The following LLGL2 variants were observed in gnomAD, a reference collection of about 807,000 sequenced individuals.
LLGL2 encodes the protein LLGL2, scribble cell polarity complex component.
Under a neutral mutation model 123.2 loss-of-function variants are expected in LLGL2, and 81 were observed. The ratio of observed to expected loss-of-function variants is 0.66; its 90% CI spans 0.55 to 0.79. LLGL2 has a LOEUF of 0.79. Among genes scored for constraint, LLGL2 ranks in the 30% least tolerant of loss-of-function variants. The pLI, the probability that LLGL2 is intolerant of heterozygous loss-of-function variation, is 0.00. For synonymous variants in LLGL2, 577 were observed against 594.1 expected (o/e 0.97, Z 0.42); for missense variants, 1,273 against 1,414.6 (o/e 0.90, Z 1.61).
Position 75,573,196 on chromosome 17 carries a change from C to G in LLGL2, c.2643C>G (p.Leu881=), listed in dbSNP as rs776476913. 6 of 1,612,910 alleles carry G rather than the reference C, an allele frequency of 3.7e-6. No individual in the cohort carries two copies. Among genetic ancestry groups the G allele is most frequent in the South Asian group, 2.2e-5 (2 of 91,076 alleles). Residue 881 remains leucine, a synonymous_variant, in exon 20 of 26, where the codon CTC becomes CTG. Coordinates refer to ENST00000392550, the MANE Select transcript of LLGL2 (RefSeq NM_001031803.2). The part of the protein sequence containing the change: ...GDIQVVSLPL[L]KPQVRYSCIR... ...TCCAGGTGGTCTCGCTGCCCCTGCT[C>G]AAGCCCCAGGTGCGCTACAGCTGCA...
In LLGL2 at chr17:75,558,939, GCACC is replaced by G; in HGVS notation, c.372-311_372-308del. On this transcript the variant is annotated intron_variant, in intron 5 of 25. Coordinates refer to ENST00000392550, the MANE Select transcript of LLGL2 (RefSeq NM_001031803.2). The surrounding 1 kb of genome is among the most constrained non-coding windows in gnomAD (Gnocchi z 4.0). ...CATCCGCACCCCACCTCCTCCATCCGCACCCCGCCTCCTCCATCCGCACCCCGCC... is the reference window on the plus strand; with the variant it reads ...CATCCGCACCCCACCTCCTCCATCCGCCGCCTCCTCCATCCGCACCCCGCC... The G allele has an allele frequency of 2.8e-6, 1 of 353,576 alleles. No individual in the cohort carries two copies. The highest frequency in any genetic ancestry group is 3.2e-5 in the South Asian group (1 of 30,972). The allele number at this position is 353,576 out of a possible 1,614,324, so 21.9% of individuals were successfully genotyped here.
At chr17:75,526,583 G>T (rs2053580972) in intron 1 of LLGL2, among the ~76,000 whole-genome samples, 1 of 152,166 alleles carries the variant, frequency 6.6e-6, no homozygotes, top group Non-Finnish European at 1.5e-5. Flanking sequence ...CTGTAGAGTG[G>T]CGCTTTGAGG....
At position 75,563,470 on chromosome 17, in the gene LLGL2, G is replaced by A. The variant is rs756593185; in HGVS notation, c.826+7G>A. ...CGCAGCCTCGTGCCTTACGGTCAGT[G>A]TTTCACCCGCCGGGCAGGGCCCACC... is the stretch of plus-strand genomic sequence containing the variant. On this transcript the variant is annotated splice_region_variant and intron_variant, in intron 8 of 25. Transcript: ENST00000392550. 3 of 1,611,750 alleles carry A rather than the reference G, an allele frequency of 1.9e-6. No individual in the cohort carries two copies. Among genetic ancestry groups the A allele is most frequent in the African/African-American group, 1.3e-5 (1 of 74,924 alleles).
At chr17:75,529,154 A>C (rs938506228) in intron 1 of LLGL2, among the ~76,000 whole-genome samples, 11 of 149,384 alleles carry the variant, frequency 7.4e-5, no homozygotes, top group Admixed American at 5.3e-4. Flanking sequence ...AGACTGTCTC[A>C]AAAAAAAAGA....
chr17:75,560,927 G>T (rs2055191221), intron 6 of LLGL2, among the ~76,000 whole-genome samples: 1 of 151,738 alleles, frequency 6.6e-6, no homozygotes, highest in Non-Finnish European at 1.5e-5. Context: ...TGCTTCCTGG[G>T]TTCAAGTGAT....
chr17:75,569,089 C>A lies in LLGL2; in HGVS notation c.1434C>A (p.Asn478Lys), dbSNP rs748070944. 5.6e-6 allele frequency: 9 copies of A among 1,613,310 alleles called. No individual in the cohort carries two copies. The highest frequency in any genetic ancestry group is 1.7e-6 in the Non-Finnish European group (2 of 1,179,874). The change falls in exon 13 of 26, where the codon AAC becomes AAA. Residue 478 changes from asparagine to lysine, a missense_variant. Transcript: ENST00000392550. ...VFLTDTDPNE[N>K]FSAQGEDEWP... is the part of the protein sequence containing the mutation. ...TCACCGACACGGACCCCAACGAGAA[C>A]TTCAGTGCCCAGGGCGAGGACGAGT...
Position 75,544,762 on chromosome 17 carries a change from C to G in LLGL2, c.75+1261C>G, listed in dbSNP as rs1417075319. Among the ~76,000 whole-genome samples, 17 of 152,100 alleles carry G rather than the reference C, an allele frequency of 1.1e-4. No homozygotes were observed. The highest frequency in any genetic ancestry group is 7.4e-5 in the Non-Finnish European group (5 of 68,018). ...GGTCAGCGCTCCCAATGTGCCCTGC[C>G]ATTTCTCTCTGTGTTTCTTAGCCTG... On this transcript the variant is annotated intron_variant, in intron 2 of 25. Coordinates refer to ENST00000392550, the MANE Select transcript of LLGL2 (RefSeq NM_001031803.2). The surrounding 1 kb of genome is among the most constrained non-coding windows in gnomAD (Gnocchi z 4.2).
At chr17:75,561,492 C>T (rs183654756) in intron 6 of LLGL2, among the ~76,000 whole-genome samples, 21 of 151,988 alleles carry the variant, frequency 1.4e-4, no homozygotes, top group Admixed American at 3.3e-4. Context: ...TTGGGCAAGG[C>T]GGCACACGTC....
chr17:75,571,404 C>T (rs2147559358), intron 17 of LLGL2: 2 of 585,884 alleles, frequency 3.4e-6, no homozygotes, highest in Admixed American at 3.1e-5. Context: ...ACAGCTTCCT[C>T]CTAGAGCAGC....
intron 1 of LLGL2, among the ~76,000 whole-genome samples, chr17:75,539,405 G>C (rs73362284): frequency 0.15 from 22,681 of 148,344 alleles, 2,099 homozygotes; most frequent in African/African-American, 0.26. Flanking sequence ...TTGAAAAAAT[G>C]TCCTTTCCTT....
rs866690962 is a variant in LLGL2, at chr17:75,559,563, C to G, written c.530+153C>G. ...GAGGCTCTTGGCTTCCTACCTGTCA[C>G]CTACTGAGAACCTATTGGCCTGTCA... On this transcript the variant is annotated intron_variant, in intron 6 of 25. Transcript: ENST00000392550. This position sits in a 1 kb window ranked among gnomAD's most constrained non-coding sequence, Gnocchi z 4.6. Among the ~76,000 whole-genome samples the G allele has an allele frequency of 1.3e-5, 2 of 152,234 alleles. No homozygotes were observed. The highest frequency in any genetic ancestry group is 4.8e-5 in the African/African-American group (2 of 41,454).
rs557223100 is a variant in LLGL2 at position 75,575,153 on chromosome 17, T to C, written c.*275T>C. The C allele has an allele frequency of 8.0e-5, 46 of 572,284 alleles. No individual in the cohort carries two copies. In the East Asian group the frequency reaches 1.2e-3, roughly 14 times the overall value. The allele number at this position is 572,284 out of a possible 1,614,324, so 35.5% of individuals were successfully genotyped here. ...TTGTAGTGGGCTGGGTTTTAAGTTA[T>C]AAATGTTAACTGCCTCTGGGTGAAA... On this transcript the variant is annotated 3_prime_UTR_variant, in exon 26 of 26. Transcript: ENST00000392550.
chr17:75,554,384 G>T (rs970084931), intron 2 of LLGL2, among the ~76,000 whole-genome samples: 1 of 151,934 alleles, frequency 6.6e-6, no homozygotes, highest in Non-Finnish European at 1.5e-5. Context: ...GGCCGAGGCA[G>T]GAGGATCGCT....
At chr17:75,543,256 C>T (rs1045887518) in intron 1 of LLGL2, 141 bp from the exon 2 acceptor site, 14 of 522,876 alleles carry the variant, frequency 2.7e-5, no homozygotes, top group Admixed American at 1.0e-4. Flanking sequence ...GGTGCATGGG[C>T]GGTCACTGTG....
At chr17:75,561,241 A>G (rs1265541175) in intron 6 of LLGL2, among the ~76,000 whole-genome samples, 1 of 152,244 alleles carries the variant, frequency 6.6e-6, no homozygotes, top group Non-Finnish European at 1.5e-5. Flanking sequence ...TCCTAAAGAT[A>G]TAGGATAAGA....
intron 1 of LLGL2, among the ~76,000 whole-genome samples, chr17:75,540,804 G>A (rs1260487940): frequency 6.6e-6 from 1 of 152,138 alleles, no homozygotes; most frequent in Non-Finnish European, 1.5e-5. Context: ...TTACCTTTCA[G>A]ATGGCTTCCC....
At position 75,564,751 on chromosome 17, in the gene LLGL2, C is replaced by G. The variant is rs2055372766; in HGVS notation, c.1036+244C>G. The G allele has an allele frequency of 2.0e-6, 1 of 490,584 alleles. No individual in the cohort carries two copies. Among genetic ancestry groups the G allele is most frequent in the Non-Finnish European group, 3.4e-6 (1 of 291,742 alleles). 30.4% of individuals were successfully genotyped at this position (490,584 alleles called of 1,614,324 possible). A position where few individuals can be genotyped will look rare whatever the true frequency, so the allele number is the denominator to read the frequency against. On this transcript the variant is annotated intron_variant, in intron 10 of 25. Transcript: ENST00000392550. The surrounding 1 kb of genome is among the most constrained non-coding windows in gnomAD (Gnocchi z 4.9). ...TTGTGGCACGTACCTGTAGTCCTAG[C>G]TACTCAGGAGGCTGAGGTGGGAGGA...
chr17:75,543,253 G>T, intron 1 of LLGL2, 144 bp from the exon 2 acceptor site: 2 of 516,276 alleles, frequency 3.9e-6, no homozygotes, highest in Admixed American at 3.4e-5. Flanking sequence ...CAGGGTGCAT[G>T]GGCGGTCACT....
In LLGL2 at chr17:75,559,497, T is replaced by C; in HGVS notation, c.530+87T>C. On this transcript the variant is annotated intron_variant, in intron 6 of 25. Transcript: ENST00000392550. The surrounding 1 kb of genome is among the most constrained non-coding windows in gnomAD (Gnocchi z 4.6). ...TTGGTCCCAGGACTCTGTCAGGAGC[T>C]GTCATTTCTCTGCTGGGAATTCCAT... 1.4e-6 allele frequency: 2 copies of C among 1,471,892 alleles called. No homozygotes were observed. Among genetic ancestry groups the C allele is most frequent in the Non-Finnish European group, 9.1e-7 (1 of 1,103,770 alleles). 91.2% of individuals were successfully genotyped at this position (1,471,892 alleles called of 1,614,324 possible).
Sources: allele counts gnomAD v4.1 joint callset (sites outside exome capture counted in the v4.1 genomes callset), GRCh38; gene constraint gnomAD v4.1.1; non-coding constraint Gnocchi (gnomAD v3.1); transcripts MANE v1.5; gene names NCBI Gene and HGNC (gene_info 2026-07-23, HGNC 2026-07-21).